Variants in AXIN1 observed in about 807,000 individuals in gnomAD.
AXIN1 encodes the protein axin 1, also known as axin-1.
AXIN1 carries 30 observed loss-of-function variants against 76.4 expected under a neutral mutation model. The observed-to-expected ratio is 0.39, with a 90% confidence interval of 0.29 to 0.53. The LOEUF (loss-of-function observed/expected upper bound fraction) is 0.53, where lower values mean the gene tolerates loss of function less well. AXIN1 is among the 20% of genes least tolerant of loss of function. The pLI is 0.66. For missense variants in AXIN1, 1,140 were observed against 1,198.8 expected, an observed-to-expected ratio of 0.95 and a Z score of 0.72; for synonymous variants, 545 against 501.4, an observed-to-expected ratio of 1.09 and a Z score of -1.16.
intron 2 of AXIN1, among the ~76,000 whole-genome samples, chr16:342,097 C>A (rs987683211): frequency 3.3e-5 from 5 of 152,198 alleles, no homozygotes; most frequent in Non-Finnish European, 7.3e-5. Context: ...GGGTCCCCTT[C>A]CATAGTGTGG....
At chr16:336,249 A>G (rs186005517) in intron 2 of AXIN1, among the ~76,000 whole-genome samples, 1 of 152,316 alleles carries the variant, frequency 6.6e-6, no homozygotes, top group Admixed American at 6.5e-5. Context: ...AAAGAAAATG[A>G]TTGACCCACT....
intron 7 of AXIN1, among the ~76,000 whole-genome samples, chr16:296,555 G>A (rs8062130): frequency 3.9e-5 from 6 of 152,162 alleles, no homozygotes; most frequent in African/African-American, 9.7e-5. Context: ...GACCTGTGGC[G>A]CCGGGGCCTT....
At chr16:338,483 T>G (rs937375864) in intron 2 of AXIN1, among the ~76,000 whole-genome samples, 5 of 152,220 alleles carry the variant, frequency 3.3e-5, no homozygotes, top group Non-Finnish European at 5.9e-5. Flanking sequence ...CAAAGGGGCC[T>G]CTCGGTTCCA....
chr16:315,834 A>G (rs931681543), intron 2 of AXIN1, among the ~76,000 whole-genome samples: 2 of 143,886 alleles, frequency 1.4e-5, no homozygotes, highest in East Asian at 2.0e-4. Flanking sequence ...TCTCAAAAGA[A>G]AAAAAAAAAA....
intron 2 of AXIN1, among the ~76,000 whole-genome samples, chr16:337,318 G>A (rs1467967509): frequency 6.6e-6 from 1 of 151,464 alleles, no homozygotes; most frequent in Non-Finnish European, 1.5e-5. Flanking sequence ...GAAAAACAAA[G>A]AAAAAAATTA....
intron 7 of AXIN1, among the ~76,000 whole-genome samples, chr16:294,132 G>C (rs768919358): frequency 6.6e-6 from 1 of 152,152 alleles, no homozygotes; most frequent in Non-Finnish European, 1.5e-5. Flanking sequence ...CCGCACTCCA[G>C]CCTGGGTGAC....
chr16:293,087 A>T lies in AXIN1; in HGVS notation c.2186+401T>A. The T allele has an allele frequency of 3.8e-6, 1 of 264,078 alleles. No homozygotes were observed. Among genetic ancestry groups the T allele is most frequent in the Non-Finnish European group, 7.3e-6 (1 of 136,338 alleles). 16.4% of individuals were successfully genotyped at this position (264,078 alleles called of 1,614,324 possible). On this transcript the variant is annotated intron_variant, in intron 8 of 10. Transcript: ENST00000262320. This position sits in a 1 kb window ranked among gnomAD's most constrained non-coding sequence, Gnocchi z 4.6. ...GAGCCACTCAGGGCTCCTGGGACGC[A>T]ACTGTCAAGAGGCAGCCGCCATGCC...
chr16:346,894 G>A lies in AXIN1; in HGVS notation c.132C>T (p.Phe44=), dbSNP rs750396382. 1.2e-6 allele frequency: 2 copies of A among 1,613,840 alleles called. No homozygotes were observed. The highest frequency in any genetic ancestry group is 2.2e-5 in the East Asian group (1 of 44,878). Reference sequence around the variant, plus strand: ...TAATGCCAACACCTTTCCCGGAGCAGAAACTGTAGCTGGCGGGCCTCGGGT... The same window carrying A: ...TAATGCCAACACCTTTCCCGGAGCAAAAACTGTAGCTGGCGGGCCTCGGGT... ...STDPRPASYS[F]CSGKGVGIKG... The change falls in exon 2 of 11, where the codon TTC becomes TTT. Residue 44 remains phenylalanine (F), a synonymous_variant. Coordinates refer to ENST00000262320, the MANE Select transcript of AXIN1 (RefSeq NM_003502.4).
At chr16:321,045 A>G (rs558230589) in intron 2 of AXIN1, among the ~76,000 whole-genome samples, 46 of 152,182 alleles carry the variant, frequency 3.0e-4, no homozygotes, top group African/African-American at 1.0e-3. Context: ...CCCACAAAAA[A>G]TGTTTCATGC....
intron 2 of AXIN1, among the ~76,000 whole-genome samples, chr16:338,854 C>CA (rs773719804): frequency 2.0e-5 from 3 of 151,656 alleles, no homozygotes; most frequent in Non-Finnish European, 4.4e-5. Flanking sequence ...ACCTGAGAGG[C>CA]AGAGGTTGCA....
intron 9 of AXIN1, chr16:289,946 C>A (rs146754625): frequency 2.9e-5 from 13 of 449,722 alleles, no homozygotes; most frequent in Admixed American, 1.4e-4. Flanking sequence ...GGAAGACCTA[C>A]GGCCCCCAAA....
intron 5 of AXIN1, among the ~76,000 whole-genome samples, chr16:298,576 C>T (rs182835407): frequency 3.2e-4 from 48 of 152,310 alleles, no homozygotes; most frequent in Non-Finnish European, 5.6e-4. Context: ...GGTGTGATCT[C>T]AGCTCACTGC....
At chr16:330,414 T>G (rs1211755197) in intron 2 of AXIN1, among the ~76,000 whole-genome samples, 9 of 152,212 alleles carry the variant, frequency 5.9e-5, no homozygotes, top group Admixed American at 5.9e-4. Context: ...TTGCATTGAC[T>G]GAAAACTATG....
intron 2 of AXIN1, among the ~76,000 whole-genome samples, chr16:330,066 CTT>C (rs34633391): frequency 2.8e-5 from 4 of 143,932 alleles, no homozygotes; most frequent in Admixed American, 7.0e-5. Context: ...GTGCCCGGCC[CTT>C]TTTTTTTTTT....
Position 289,573 on chromosome 16 carries a change from C to T in AXIN1, c.2329G>A (p.Ala777Thr), listed in dbSNP as rs757222355. The T allele has an allele frequency of 2.9e-5, 47 of 1,612,816 alleles. No homozygotes were observed. In the Admixed American group the frequency reaches 7.8e-4, roughly 27 times the overall value. ...RSQRKVGGGS[A>T]QPCDSIVVAY... The stretch of plus-strand genomic sequence containing the variant: ...ACAACGATGCTGTCACACGGCTGGG[C>T]ACTCCCGCCGCCCACCTTCCTCTGC... Residue 777 changes from alanine to threonine, a missense_variant, in exon 10 of 11, where the codon GCC becomes ACC. Around this residue, in one of 3 missense-constraint regions of AXIN1, gnomAD observed 429 missense variants for 405.8 expected, o/e 1.06. Coordinates refer to ENST00000262320, the MANE Select transcript of AXIN1 (RefSeq NM_003502.4).
chr16:334,771 C>T (rs560516331), intron 2 of AXIN1, among the ~76,000 whole-genome samples: 1 of 151,676 alleles, frequency 6.6e-6, no homozygotes, highest in Non-Finnish European at 1.5e-5. Context: ...ACTAATATCA[C>T]AGCACCCAGT....
intron 2 of AXIN1, among the ~76,000 whole-genome samples, chr16:333,886 T>A (rs115075046): frequency 0.032 from 4,539 of 141,556 alleles, 247 homozygotes; most frequent in African/African-American, 0.11. Context: ...AGCACACCAG[T>A]AACACAGCAC....
At chr16:311,568 G>A (rs542950694) in intron 3 of AXIN1, among the ~76,000 whole-genome samples, 18 of 151,536 alleles carry the variant, frequency 1.2e-4, no homozygotes, top group Admixed American at 3.3e-4. Flanking sequence ...TCAGGAGATC[G>A]AGACCATCCT....
In AXIN1 at chr16:293,465, C is replaced by T. The variant is rs746699446; in HGVS notation, c.2186+23G>A. 1.9e-6 allele frequency: 3 copies of T among 1,603,774 alleles called. No homozygotes were observed. The South Asian group carries it at 3.3e-5, about 18-fold the overall frequency. ...TGCTGTGGTAACCCCCAAGACCCAC[C>T]CCACCCCACGACGCGGCCGTACCTC... On this transcript the variant is annotated intron_variant, in intron 8 of 10. Transcript: ENST00000262320. This position sits in a 1 kb window ranked among gnomAD's most constrained non-coding sequence, Gnocchi z 4.6.
Sources: allele counts gnomAD v4.1 joint callset (sites outside exome capture counted in the v4.1 genomes callset), GRCh38; gene constraint gnomAD v4.1.1; regional missense constraint gnomAD v4.1.1; non-coding constraint Gnocchi (gnomAD v3.1); transcripts MANE v1.5; gene names NCBI Gene and HGNC (gene_info 2026-07-23, HGNC 2026-07-21).